NELL1: variants seen among roughly 807,000 people sequenced by gnomAD.
The protein encoded by NELL1 is neural EGFL like 1.
NELL1 carries 76 observed loss-of-function variants against 107.4 expected under a neutral mutation model. The ratio of observed to expected loss-of-function variants is 0.71; its 90% confidence interval spans 0.59 to 0.86. NELL1 has a LOEUF of 0.86. NELL1 is among the 40% of genes least tolerant of loss of function. The pLI is 0.00. For synonymous variants in NELL1, 353 were observed against 341.2 expected, an observed-to-expected ratio of 1.03 and a Z score of -0.38; for missense variants, 1,024 against 1,005.5, an observed-to-expected ratio of 1.02 and a Z score of -0.25.
chr11:21,431,896 T>TA (rs2133834628), intron 15 of NELL1, among the ~76,000 whole-genome samples: 1 of 152,324 alleles, frequency 6.6e-6, no homozygotes, highest in East Asian at 1.9e-4. Context: ...CTTGAGTTTT[T>TA]ATGTTGAACT....
At chr11:21,001,905 G>C (rs7104623) in intron 12 of NELL1, among the ~76,000 whole-genome samples, 52,829 of 151,782 alleles carry the variant, frequency 0.35, 12,749 homozygotes, top group African/African-American at 0.69. Flanking sequence ...GGAAACAGCC[G>C]TAGGCAGCAG....
intron 13 of NELL1, among the ~76,000 whole-genome samples, chr11:21,227,239 C>T (rs1857917912): frequency 6.6e-6 from 1 of 152,044 alleles, no homozygotes. Flanking sequence ...ATCTTTATTC[C>T]TCTTATCTAG....
intron 12 of NELL1, among the ~76,000 whole-genome samples, chr11:20,970,085 AT>A (rs1564992470): frequency 6.7e-5 from 10 of 148,824 alleles, no homozygotes; most frequent in African/African-American, 2.4e-4. Flanking sequence ...CCATCCATCC[AT>A]CCATCCATCC....
intron 2 of NELL1, among the ~76,000 whole-genome samples, chr11:20,771,803 C>T (rs1293508788): frequency 1.3e-5 from 2 of 152,122 alleles, no homozygotes; most frequent in African/African-American, 4.8e-5. Flanking sequence ...CAGGAGCTTA[C>T]CTTTGAAACA....
intron 14 of NELL1, among the ~76,000 whole-genome samples, chr11:21,269,849 A>G (rs540868962): frequency 2.0e-4 from 31 of 152,176 alleles, no homozygotes; most frequent in Non-Finnish European, 3.5e-4. Context: ...GCAACAATGT[A>G]TTCGATTATA....
chr11:21,284,412 A>G (rs1308988222), intron 14 of NELL1: 2 of 457,300 alleles, frequency 4.4e-6, no homozygotes, highest in African/African-American at 4.0e-5. Context: ...CAGCTGGCCC[A>G]GAAGATGGGA....
chr11:21,134,090 T>C (rs1565076643), intron 13 of NELL1, among the ~76,000 whole-genome samples: 1 of 152,236 alleles, frequency 6.6e-6, no homozygotes, highest in Non-Finnish European at 1.5e-5. Flanking sequence ...CGCTTTGATA[T>C]GGCGAGTTTT....
At chr11:21,408,966 C>T (rs1242737012) in intron 15 of NELL1, among the ~76,000 whole-genome samples, 2 of 151,788 alleles carry the variant, frequency 1.3e-5, no homozygotes. Context: ...AATAGGAACA[C>T]ATTTACACTG....
At chr11:21,166,158 T>A (rs1856477168) in intron 13 of NELL1, among the ~76,000 whole-genome samples, 1 of 151,676 alleles carries the variant, frequency 6.6e-6, no homozygotes, top group Non-Finnish European at 1.5e-5. Context: ...CTCACTAATT[T>A]GTGGAAGCTA....
intron 16 of NELL1, among the ~76,000 whole-genome samples, chr11:21,545,187 C>T (rs1856407888): frequency 6.6e-6 from 1 of 151,978 alleles, no homozygotes; most frequent in South Asian, 2.1e-4. Context: ...TGTCTTCTTT[C>T]CACATTGTCA....
intron 4 of NELL1, among the ~76,000 whole-genome samples, chr11:20,879,346 A>T (rs961130058): frequency 4.6e-5 from 7 of 152,174 alleles, no homozygotes; most frequent in African/African-American, 7.2e-5. Flanking sequence ...TAGAATGTAT[A>T]AAAATAATAT....
chr11:21,550,530 A>G (rs1856553942), intron 16 of NELL1, among the ~76,000 whole-genome samples: 1 of 151,970 alleles, frequency 6.6e-6, no homozygotes, highest in Non-Finnish European at 1.5e-5. Context: ...AGGTGTAAGG[A>G]AGGGATCCAG....
chr11:21,084,730 C>T (rs1459121415), intron 12 of NELL1, among the ~76,000 whole-genome samples: 6 of 152,124 alleles, frequency 3.9e-5, no homozygotes, highest in Admixed American at 6.5e-5. Context: ...GTCTTGATAG[C>T]GCAACCACTG....
At chr11:21,215,345 T>C (rs1364892734) in intron 13 of NELL1, among the ~76,000 whole-genome samples, 3 of 152,210 alleles carry the variant, frequency 2.0e-5, no homozygotes, top group Non-Finnish European at 4.4e-5. Flanking sequence ...ACTTCTTTCC[T>C]TTATAAATTA....
At chr11:20,670,033 G>T (rs1420183423) in intron 1 of NELL1, among the ~76,000 whole-genome samples, 1 of 152,198 alleles carries the variant, frequency 6.6e-6, no homozygotes, top group African/African-American at 2.4e-5. Flanking sequence ...GGGCGCGGCC[G>T]AGTAGGCGCA....
At chr11:20,709,143 A>G (rs1384167972) in intron 2 of NELL1, among the ~76,000 whole-genome samples, 1 of 151,660 alleles carries the variant, frequency 6.6e-6, no homozygotes, top group Non-Finnish European at 1.5e-5. Flanking sequence ...AGTTTTTCTG[A>G]TGTTATCTTC....
chr11:20,957,627 G>A (rs1851203078), intron 11 of NELL1, among the ~76,000 whole-genome samples: 1 of 152,056 alleles, frequency 6.6e-6, no homozygotes, highest in African/African-American at 2.4e-5. Flanking sequence ...ATATTTATAT[G>A]TAACATGTTT....
At chr11:20,718,812 C>T (rs964906398) in intron 2 of NELL1, among the ~76,000 whole-genome samples, 7 of 152,146 alleles carry the variant, frequency 4.6e-5, no homozygotes, top group Middle Eastern at 3.2e-3. Context: ...GAAGGAATAT[C>T]GGCTTGGATC....
At chr11:21,041,234 T>C (rs1416785644) in intron 12 of NELL1, among the ~76,000 whole-genome samples, 3 of 152,194 alleles carry the variant, frequency 2.0e-5, no homozygotes, top group Non-Finnish European at 1.5e-5. Context: ...GTCTCTCCAC[T>C]GCTTTAAAAC....
Sources: allele counts gnomAD v4.1 joint callset (sites outside exome capture counted in the v4.1 genomes callset), GRCh38; gene constraint gnomAD v4.1.1; transcripts MANE v1.5; gene names NCBI Gene and HGNC (gene_info 2026-07-23, HGNC 2026-07-21).